Variants in CYP2C19 observed in about 807,000 individuals in gnomAD.
CYP2C19 encodes cytochrome P450 family 2 subfamily C member 19.
In CYP2C19, 59 loss-of-function variants were observed where a neutral mutation model predicts 40.9. The ratio of observed to expected loss-of-function variants is 1.44; its 90% CI spans 1.17 to 1.79. The LOEUF (loss-of-function observed/expected upper bound fraction) is 1.79. Among genes scored for constraint, CYP2C19 ranks in the 40% most tolerant of loss-of-function variants. The pLI is 0.00. For missense variants in CYP2C19, 754 were observed against 596.9 expected, an observed-to-expected ratio of 1.26 and a Z score of -2.74; for synonymous variants, 253 against 208.7, an observed-to-expected ratio of 1.21 and a Z score of -1.83.
At chr10:94,788,458 A>G (rs1589352631) in intron 5 of CYP2C19, among the ~76,000 whole-genome samples, 1 of 152,138 alleles carries the variant, frequency 6.6e-6, no homozygotes, top group African/African-American at 2.4e-5. Flanking sequence ...CAGTTTTGCT[A>G]CATAGGTATA....
In CYP2C19 at chr10:94,786,058, T is replaced by C. The variant is rs190680549; in HGVS notation, c.819+4061T>C. On this transcript the variant is annotated intron_variant, in intron 5 of 8. Transcript: ENST00000371321. ...GTCCGCCTCCTTCCCCCTCTTTGGA[T>C]GTCTCTCTCTCTCTCTCTCACAAGA... Among the ~76,000 whole-genome samples the C allele has an allele frequency of 2.3e-4, 35 of 152,038 alleles. 1 individual carries two copies. In the East Asian group the frequency reaches 6.2e-3, roughly 27 times the overall value.
chr10:94,838,804 C>T (rs139654319), intron 6 of CYP2C19, among the ~76,000 whole-genome samples: 9 of 152,206 alleles, frequency 5.9e-5, no homozygotes, highest in African/African-American at 1.9e-4. Flanking sequence ...CACTTCACTC[C>T]ATTTGCCTTT....
chr10:94,798,653 C>T (rs868333452), intron 5 of CYP2C19, among the ~76,000 whole-genome samples: 14 of 152,054 alleles, frequency 9.2e-5, no homozygotes, highest in African/African-American at 3.4e-4. Context: ...TAAGGACCTG[C>T]TTTATGAATC....
chr10:94,798,814 A>ATTTT lies in CYP2C19; in HGVS notation c.819+16838_819+16841dup, dbSNP rs61240923. Among the ~76,000 whole-genome samples the ATTTT allele has an allele frequency of 2.8e-3, 191 of 67,658 alleles. 1 individual carries two copies. The highest frequency in any genetic ancestry group is 5.3e-3 in the East Asian group (12 of 2,266). The allele number at this position is 67,658 out of a possible 152,430, so 44.4% of individuals were successfully genotyped here. ...TCAAAGGGTAGGATTGCAACCCCTG[A>ATTTT]TTTTTTTTTTTTTTTTTTTTTTTTG... On this transcript the variant is annotated intron_variant, in intron 5 of 8. Coordinates refer to ENST00000371321, the MANE Select transcript of CYP2C19 (RefSeq NM_000769.4).
At chr10:94,848,699 C>T (rs556055525) in intron 7 of CYP2C19, among the ~76,000 whole-genome samples, 34 of 152,226 alleles carry the variant, frequency 2.2e-4, no homozygotes, top group Non-Finnish European at 4.9e-4. Context: ...TTGATTCTTC[C>T]TACCTATGAG....
At chr10:94,775,679 G>T in intron 3 of CYP2C19, 140 bp downstream of exon 3, 1 of 1,432,928 alleles carries the variant, frequency 7.0e-7, no homozygotes, top group Non-Finnish European at 9.7e-7. Context: ...GTTTGAAGCT[G>T]AGAGCCAAGG....
At chr10:94,834,539 G>C (rs1019305216) in intron 6 of CYP2C19, among the ~76,000 whole-genome samples, 3 of 149,686 alleles carry the variant, frequency 2.0e-5, no homozygotes, top group Admixed American at 2.0e-4. Context: ...TACTAATTTT[G>C]GTTTTCTTTC....
At chr10:94,820,419 G>A (rs1849096747) in intron 5 of CYP2C19, 77 bp from the exon 6 acceptor site, 2 of 1,514,026 alleles carry the variant, frequency 1.3e-6, no homozygotes, top group South Asian at 1.1e-5. Context: ...AGTATACAAT[G>A]TGAGTAATTT....
intron 6 of CYP2C19, among the ~76,000 whole-genome samples, chr10:94,826,122 G>C (rs1849216144): frequency 6.6e-6 from 1 of 152,086 alleles, no homozygotes; most frequent in African/African-American, 2.4e-5. Context: ...TTTGGCTTAG[G>C]AATGACTTGG....
chr10:94,809,732 A>T (rs2224566), intron 5 of CYP2C19, among the ~76,000 whole-genome samples: 68,002 of 151,878 alleles, frequency 0.45, 16,759 homozygotes, highest in Admixed American at 0.6. Flanking sequence ...ATTTTGAGAT[A>T]CATTCCATCA....
chr10:94,784,701 T>C lies in CYP2C19; in HGVS notation c.819+2704T>C, dbSNP rs189835287. Among the ~76,000 whole-genome samples, 220 of 152,150 alleles carry C rather than the reference T, an allele frequency of 1.4e-3. 1 individual carries two copies. Among genetic ancestry groups the C allele is most frequent in the Admixed American group, 3.0e-3 (46 of 15,288 alleles). ...CATGATCTCATTCAAGCAATTCTCCTGCCCCAGCCTTCAGAGTAGCTGGGA... is the reference window on the plus strand; with the variant it reads ...CATGATCTCATTCAAGCAATTCTCCCGCCCCAGCCTTCAGAGTAGCTGGGA... On this transcript the variant is annotated intron_variant, in intron 5 of 8. Transcript: ENST00000371321.
chr10:94,820,076 C>T (rs558702828), intron 5 of CYP2C19, among the ~76,000 whole-genome samples: 22 of 150,792 alleles, frequency 1.5e-4, no homozygotes, highest in Admixed American at 1.3e-3. Context: ...GGATGCAAGG[C>T]TGGTTCAATA....
chr10:94,843,946 C>CAT (rs1849535407), intron 7 of CYP2C19, among the ~76,000 whole-genome samples: 1 of 152,098 alleles, frequency 6.6e-6, no homozygotes, highest in Admixed American at 6.5e-5. Context: ...TTTGCCCTCA[C>CAT]ATATATATAG....
intron 4 of CYP2C19, among the ~76,000 whole-genome samples, chr10:94,781,383 A>G (rs539411579): frequency 6.6e-6 from 1 of 152,120 alleles, no homozygotes; most frequent in African/African-American, 2.4e-5. Flanking sequence ...ATACTAATTC[A>G]ATTTCAGAGG....
intron 3 of CYP2C19, among the ~76,000 whole-genome samples, chr10:94,778,818 G>A (rs895797689): frequency 6.6e-6 from 1 of 152,158 alleles, no homozygotes; most frequent in African/African-American, 2.4e-5. Context: ...ACAAACGTAT[G>A]TTTATTGCAG....
intron 1 of CYP2C19, among the ~76,000 whole-genome samples, chr10:94,765,285 G>A (rs529740100): frequency 3.3e-5 from 5 of 152,176 alleles, no homozygotes; most frequent in South Asian, 4.2e-4. Flanking sequence ...TACTGATAGG[G>A]TCTGATTTCC....
Position 94,842,986 on chromosome 10 carries a change from A to G in CYP2C19, c.1111A>G (p.Thr371Ala), listed in dbSNP as rs764788845. 3.7e-6 allele frequency: 6 copies of G among 1,614,232 alleles called. No individual in the cohort carries two copies. The highest frequency in any genetic ancestry group is 5.1e-6 in the Non-Finnish European group (6 of 1,180,040). The change falls in exon 7 of 9, where the codon ACC (threonine) becomes GCC (alanine). Residue 371 changes from threonine to alanine, a missense_variant. Transcript: ENST00000371321. ...LIPTSLPHAV[T>A]CDVKFRNYLI... ...CCCCACCAGCCTGCCCCATGCAGTGACCTGTGACGTTAAATTCAGAAACTA... is the reference window on the plus strand; with the variant it reads ...CCCCACCAGCCTGCCCCATGCAGTGGCCTGTGACGTTAAATTCAGAAACTA...
chr10:94,839,990 AT>A (rs113708910), intron 6 of CYP2C19, among the ~76,000 whole-genome samples: 49 of 150,264 alleles, frequency 3.3e-4, no homozygotes, highest in African/African-American at 9.8e-4. Context: ...GCTTTTTTTT[AT>A]TTTTTTTTGA....
chr10:94,792,200 C>T (rs187138394), intron 5 of CYP2C19, among the ~76,000 whole-genome samples: 1 of 151,938 alleles, frequency 6.6e-6, no homozygotes, highest in Admixed American at 6.6e-5. Flanking sequence ...CATTTTTTTG[C>T]TTTCCATTTA....
Sources: allele counts gnomAD v4.1 joint callset (sites outside exome capture counted in the v4.1 genomes callset), GRCh38; gene constraint gnomAD v4.1.1; transcripts MANE v1.5; gene names NCBI Gene and HGNC (gene_info 2026-07-23, HGNC 2026-07-21).